TBC1D4: variants seen among roughly 807,000 people sequenced by gnomAD.
TBC1D4 encodes the protein TBC (Tre-2, BUB2, CDC16) domain-containing protein.
A neutral mutation model predicts 142.5 loss-of-function variants in TBC1D4; 121 were observed. The ratio of observed to expected loss-of-function variants is 0.85; its 90% CI spans 0.73 to 0.99. The LOEUF is 0.99. Among genes scored for constraint, TBC1D4 ranks in the 50% least tolerant of loss-of-function variants. The pLI is 0.00. For synonymous variants in TBC1D4, 630 were observed against 628.2 expected, an observed-to-expected ratio of 1.00 and a Z score of -0.04; for missense variants, 1,475 against 1,606.6, an observed-to-expected ratio of 0.92 and a Z score of 1.40.
In TBC1D4 at chr13:75,359,813, C is replaced by T; in HGVS notation, c.1126G>A (p.Val376Ile). Residue 376 changes from valine to isoleucine, a missense_variant, in exon 3 of 21, where the codon GTT (valine) becomes ATT (isoleucine). Transcript: ENST00000377636. Reference protein sequence around the residue: ...INLISPDTKSVVLEKNFKDIS... With the variant: ...INLISPDTKSIVLEKNFKDIS... Reference sequence around the variant, plus strand: ...TCTTTAAAATTCTTTTCTAGCACAACTGATTTAGTGTCTGGACTGATAAGG... The same window carrying T: ...TCTTTAAAATTCTTTTCTAGCACAATTGATTTAGTGTCTGGACTGATAAGG... 6.2e-7 allele frequency: 1 copy of T among 1,613,666 alleles called. No individual in the cohort carries two copies. Among genetic ancestry groups the T allele is most frequent in the Non-Finnish European group, 8.5e-7 (1 of 1,179,766 alleles).
At chr13:75,348,956 T>A (rs522387) in intron 5 of TBC1D4, among the ~76,000 whole-genome samples, 4,284 of 31,998 alleles carry the variant, frequency 0.13, 56 homozygotes, top group African/African-American at 0.15. Context: ...AGAGAGAGAG[T>A]GTGTGTGTGT....
intron 19 of TBC1D4, among the ~76,000 whole-genome samples, chr13:75,290,032 G>C (rs1875124011): frequency 1.3e-5 from 2 of 152,022 alleles, no homozygotes; most frequent in African/African-American, 4.8e-5. Flanking sequence ...AGTGGGTATG[G>C]ATACAATGGA....
chr13:75,339,584 GTTC>G (rs1356285349), intron 7 of TBC1D4, among the ~76,000 whole-genome samples: 1 of 128,446 alleles, frequency 7.8e-6, no homozygotes, highest in African/African-American at 2.6e-5. Context: ...TGTGCTCAAT[GTTC>G]TTTTTTTTTT....
At chr13:75,472,248 G>A (rs781609741) in intron 1 of TBC1D4, among the ~76,000 whole-genome samples, 10 of 150,474 alleles carry the variant, frequency 6.6e-5, no homozygotes, top group African/African-American at 9.8e-5. Context: ...GTGAAACTCC[G>A]TATCTACTAA....
intron 1 of TBC1D4, among the ~76,000 whole-genome samples, chr13:75,387,361 A>G (rs926753762): frequency 2.0e-5 from 3 of 152,210 alleles, no homozygotes; most frequent in African/African-American, 7.2e-5. Flanking sequence ...CCAAAGAATG[A>G]TCGTTCCTTA....
intron 1 of TBC1D4, among the ~76,000 whole-genome samples, chr13:75,395,354 G>A (rs570943782): frequency 7.9e-5 from 12 of 152,242 alleles, no homozygotes; most frequent in Admixed American, 1.3e-4. Context: ...GGCCCTTTTC[G>A]CGAATGTTTT....
At chr13:75,320,523 T>A (rs1878662450) in intron 11 of TBC1D4, among the ~76,000 whole-genome samples, 1 of 151,996 alleles carries the variant, frequency 6.6e-6, no homozygotes, top group African/African-American at 2.4e-5. Flanking sequence ...TAATTCAAAG[T>A]GAGGTAAAAG....
intron 1 of TBC1D4, among the ~76,000 whole-genome samples, chr13:75,435,050 C>CTT (rs1886740406): frequency 6.6e-6 from 1 of 151,650 alleles, no homozygotes; most frequent in Non-Finnish European, 1.5e-5. Flanking sequence ...AATGAATGCT[C>CTT]TTTAACCCAT....
intron 1 of TBC1D4, among the ~76,000 whole-genome samples, chr13:75,388,907 C>G (rs1418419086): frequency 6.6e-6 from 1 of 152,166 alleles, no homozygotes; most frequent in Non-Finnish European, 1.5e-5. Context: ...AAACAGGCTC[C>G]AATACCAGCT....
At chr13:75,331,285 G>C (rs1460745909) in intron 8 of TBC1D4, among the ~76,000 whole-genome samples, 4 of 152,000 alleles carry the variant, frequency 2.6e-5, no homozygotes, top group African/African-American at 9.7e-5. Flanking sequence ...CTTGACCCCA[G>C]GAGTTCGAGA....
chr13:75,461,662 T>C (rs1887972092), intron 1 of TBC1D4, among the ~76,000 whole-genome samples: 1 of 152,232 alleles, frequency 6.6e-6, no homozygotes. Flanking sequence ...TTCCTAATCA[T>C]TGAGTTCTTC....
At chr13:75,334,219 C>T (rs924787962) in intron 8 of TBC1D4, among the ~76,000 whole-genome samples, 20 of 151,768 alleles carry the variant, frequency 1.3e-4, no homozygotes, top group Non-Finnish European at 2.2e-4. Context: ...TTTATGTCAA[C>T]GCTCATATTG....
chr13:75,415,909 C>T (rs1158827123), intron 1 of TBC1D4, among the ~76,000 whole-genome samples: 1 of 152,196 alleles, frequency 6.6e-6, no homozygotes, highest in Non-Finnish European at 1.5e-5. Context: ...ATCAAGTTTC[C>T]TCCTTGGCCA....
intron 8 of TBC1D4, among the ~76,000 whole-genome samples, chr13:75,331,630 T>A (rs374528712): frequency 2.4e-4 from 36 of 152,336 alleles, no homozygotes; most frequent in African/African-American, 7.7e-4. Context: ...TCTGTTTTAC[T>A]ACATTGTGAT....
chr13:75,416,606 T>C (rs1022680257), intron 1 of TBC1D4, among the ~76,000 whole-genome samples: 6 of 152,150 alleles, frequency 3.9e-5, no homozygotes, highest in Admixed American at 1.3e-4. Flanking sequence ...CAAAGCAACT[T>C]TTCCTGCACA....
intron 8 of TBC1D4, among the ~76,000 whole-genome samples, chr13:75,335,289 G>A (rs1180415501): frequency 1.3e-5 from 2 of 152,112 alleles, no homozygotes; most frequent in Non-Finnish European, 2.9e-5. Flanking sequence ...TCCCTGCTCT[G>A]AGCCACAGTG....
intron 1 of TBC1D4, among the ~76,000 whole-genome samples, chr13:75,421,355 G>A (rs946390890): frequency 1.3e-5 from 2 of 152,118 alleles, no homozygotes; most frequent in African/African-American, 2.4e-5. Context: ...CTAACTGCAT[G>A]GGGACTTTGT....
At chr13:75,396,332 T>C (rs1210347250) in intron 1 of TBC1D4, among the ~76,000 whole-genome samples, 1 of 152,194 alleles carries the variant, frequency 6.6e-6, no homozygotes, top group Non-Finnish European at 1.5e-5. Flanking sequence ...CAGAACTGAC[T>C]TAAAAAGCAC....
Position 75,462,680 on chromosome 13 carries a change from A to G in TBC1D4, c.498+18590T>C, listed in dbSNP as rs78297929. On this transcript the variant is annotated intron_variant, in intron 1 of 20. Coordinates refer to ENST00000377636, the MANE Select transcript of TBC1D4 (RefSeq NM_014832.5). ...ACCTTGGGCAAATTGGTTTGCTGAC[A>G]ATGTAGCCCAAATGACTATAAATAA... Among the ~76,000 whole-genome samples the G allele has an allele frequency of 4.0e-3, 614 of 152,250 alleles. 8 individuals carry two copies. The highest frequency in any genetic ancestry group is 0.014 in the African/African-American group (589 of 41,522).
Sources: allele counts gnomAD v4.1 joint callset (sites outside exome capture counted in the v4.1 genomes callset), GRCh38; gene constraint gnomAD v4.1.1; transcripts MANE v1.5; gene names NCBI Gene and HGNC (gene_info 2026-07-23, HGNC 2026-07-21).